The following ATP10B variants were observed in gnomAD, a reference collection of about 807,000 sequenced individuals.
ATP10B encodes phospholipid-transporting ATPase VB.
ATP10B carries 122 observed loss-of-function variants against 141.2 expected under a neutral mutation model. That is an observed-to-expected ratio of 0.86 (90% CI 0.75 to 1.00). The LOEUF (loss-of-function observed/expected upper bound fraction) is 1.00. Ranked by LOEUF, ATP10B falls within the 50% of genes least tolerant of loss-of-function variation. The pLI is 0.00. For synonymous variants in ATP10B, 685 were observed against 692.0 expected (o/e 0.99, Z 0.16); for missense variants, 1,876 against 1,825.3 (o/e 1.03, Z -0.51).
chr5:160,732,499 A>G (rs576669227), intron 2 of ATP10B, among the ~76,000 whole-genome samples: 42 of 152,248 alleles, frequency 2.8e-4, no homozygotes, highest in Non-Finnish European at 4.9e-4. Context: ...ATGAGAGTCT[A>G]GTTTCATTCT....
intron 24 of ATP10B, among the ~76,000 whole-genome samples, chr5:160,580,840 GT>G (rs1334045120): frequency 2.0e-5 from 3 of 152,188 alleles, no homozygotes; most frequent in Non-Finnish European, 4.4e-5. Flanking sequence ...TTCAGAACTT[GT>G]TATTGGTCTG....
At chr5:160,573,714 T>C (rs1360653831) in intron 24 of ATP10B, among the ~76,000 whole-genome samples, 1 of 152,138 alleles carries the variant, frequency 6.6e-6, no homozygotes. Context: ...CCAAACCACC[T>C]CCACCCCTCA....
At chr5:160,678,544 A>G (rs1039661422) in intron 6 of ATP10B, among the ~76,000 whole-genome samples, 2 of 152,172 alleles carry the variant, frequency 1.3e-5, no homozygotes, top group African/African-American at 2.4e-5. Flanking sequence ...CTGTAATCCC[A>G]GCTACTCGGG....
chr5:160,753,052 A>C (rs1041937589), intron 2 of ATP10B, among the ~76,000 whole-genome samples: 1 of 152,240 alleles, frequency 6.6e-6, no homozygotes, highest in African/African-American at 2.4e-5. Context: ...ACTGATTCAT[A>C]TAACAGCCAA....
chr5:160,759,573 C>G (rs997472603), intron 2 of ATP10B, among the ~76,000 whole-genome samples: 2 of 152,070 alleles, frequency 1.3e-5, no homozygotes, highest in Non-Finnish European at 2.9e-5. Flanking sequence ...TAGCTGAGGC[C>G]TTTCTAAATC....
intron 1 of ATP10B, among the ~76,000 whole-genome samples, chr5:160,809,045 T>C (rs143986643): frequency 6.6e-6 from 1 of 152,320 alleles, no homozygotes; most frequent in East Asian, 1.9e-4. Flanking sequence ...TGTGTTCCTG[T>C]CTCTGTATCC....
At chr5:160,768,325 C>T (rs1017891078) in intron 2 of ATP10B, among the ~76,000 whole-genome samples, 4 of 152,152 alleles carry the variant, frequency 2.6e-5, no homozygotes, top group African/African-American at 9.7e-5. Context: ...ACAGATTATG[C>T]CATGTACCTA....
At chr5:160,822,989 C>CATATATATATACATATAT (rs1261562061) in intron 1 of ATP10B, among the ~76,000 whole-genome samples, 1 of 69,706 alleles carries the variant, frequency 1.4e-5, no homozygotes, top group African/African-American at 4.8e-5. Flanking sequence ...ATTACATATA[C>CATATATATATACATATAT]ATATATATAT....
At chr5:160,869,442 A>C in the ATP10B span, among the ~76,000 whole-genome samples, 1 of 152,154 alleles carries the variant, frequency 6.6e-6, no homozygotes, top group Admixed American at 6.6e-5. Flanking sequence ...GACAAAAAAA[A>C]AATAGTCCTA....
the ATP10B span, among the ~76,000 whole-genome samples, chr5:160,860,132 C>T: frequency 1.3e-5 from 2 of 151,710 alleles, no homozygotes; most frequent in African/African-American, 4.8e-5. Context: ...ATTGTCTGCC[C>T]AGGGTTCTTG....
At chr5:160,636,447 G>C (rs1204877867) in intron 10 of ATP10B, 138 bp from the exon 11 acceptor site, 5 of 521,984 alleles carry the variant, frequency 9.6e-6, no homozygotes, top group Admixed American at 8.3e-5. Flanking sequence ...ATGTAGCTCT[G>C]TGTGTGTGTG....
chr5:160,913,837 T>A, the ATP10B span, among the ~76,000 whole-genome samples: 5 of 152,204 alleles, frequency 3.3e-5, no homozygotes, highest in Admixed American at 3.3e-4. Flanking sequence ...CCCAGTCCAA[T>A]CTCTTAGCAA....
chr5:160,619,323 T>A lies in ATP10B; in HGVS notation c.2416+1024A>T, dbSNP rs202224945. On this transcript the variant is annotated intron_variant, in intron 15 of 25. Transcript: ENST00000327245. ...TGCTTCTCAATTCTTATAGTAACAT[T>A]GTGTGTGTGACTTCTATTGAAGGCA... 3.9e-5 allele frequency among the ~76,000 whole-genome samples: 6 copies of A among 152,300 alleles called. No homozygotes were observed. In the East Asian group the frequency reaches 1.2e-3, roughly 29 times the overall value.
chr5:160,924,503 G>A, the ATP10B span, among the ~76,000 whole-genome samples: 1 of 152,284 alleles, frequency 6.6e-6, no homozygotes, highest in East Asian at 1.9e-4. Flanking sequence ...TACATGGGAA[G>A]CACCTGAGAG....
intron 7 of ATP10B, among the ~76,000 whole-genome samples, chr5:160,651,073 A>T (rs938175004): frequency 2.0e-5 from 3 of 152,224 alleles, no homozygotes; most frequent in African/African-American, 4.8e-5. Flanking sequence ...TCTGCCAGAC[A>T]CTGTAATAAG....
At chr5:160,575,109 T>C (rs1755113519) in intron 24 of ATP10B, among the ~76,000 whole-genome samples, 2 of 152,174 alleles carry the variant, frequency 1.3e-5, no homozygotes, top group Admixed American at 1.3e-4. Flanking sequence ...TCTAATGTTT[T>C]TGGGGATAGG....
intron 1 of ATP10B, among the ~76,000 whole-genome samples, chr5:160,801,726 G>C (rs1332458089): frequency 6.6e-6 from 1 of 152,118 alleles, no homozygotes; most frequent in Admixed American, 6.5e-5. Context: ...CACTCACCTG[G>C]ACCTCTAGCA....
At chr5:160,868,354 C>A in the ATP10B span, among the ~76,000 whole-genome samples, 2 of 152,022 alleles carry the variant, frequency 1.3e-5, no homozygotes, top group Admixed American at 6.6e-5. Context: ...CACTTAATGA[C>A]CAGTAAACAC....
At chr5:160,612,208 T>C (rs1364437041) in intron 18 of ATP10B, 1 of 152,262 alleles carries the variant, frequency 6.6e-6, no homozygotes, top group African/African-American at 2.4e-5. Flanking sequence ...CAGACCAGCT[T>C]GACATATAAA....
Sources: gnomAD v4.1 joint callset for allele counts (sites outside exome capture counted in the v4.1 genomes callset) on GRCh38, gnomAD v4.1.1 for gene constraint, MANE v1.5 for transcripts, NCBI Gene and HGNC (gene_info 2026-07-23, HGNC 2026-07-21) for gene names.